SMURF2: variants seen among roughly 807,000 people sequenced by gnomAD.
The protein encoded by SMURF2 is SMAD specific E3 ubiquitin protein ligase 2, also known as E3 ubiquitin-protein ligase SMURF2.
In SMURF2, 48 loss-of-function variants were observed where a neutral mutation model predicts 109.6. That is an observed-to-expected ratio of 0.44 (90% CI 0.35 to 0.56). The LOEUF (loss-of-function observed/expected upper bound fraction) is 0.56, where lower values mean the gene tolerates loss of function less well. Ranked by LOEUF, SMURF2 falls within the 20% of genes least tolerant of loss-of-function variation. The probability of loss-of-function intolerance (pLI) is 0.01; values close to 1 mark genes in which losing one functional copy is unlikely to be tolerated. For synonymous variants in SMURF2, 288 were observed against 317.1 expected, an observed-to-expected ratio of 0.91 and a Z score of 0.97; for missense variants, 575 against 909.0, an observed-to-expected ratio of 0.63 and a Z score of 4.72.
At chr17:64,632,923 G>A (rs1331149896) in intron 1 of SMURF2, among the ~76,000 whole-genome samples, 13 of 152,206 alleles carry the variant, frequency 8.5e-5, no homozygotes, top group African/African-American at 3.1e-4. Flanking sequence ...GATGACTTAG[G>A]TAAAGAGTTT....
chr17:64,631,426 T>G (rs1335566919), intron 1 of SMURF2, among the ~76,000 whole-genome samples: 2 of 151,318 alleles, frequency 1.3e-5, no homozygotes, highest in Non-Finnish European at 2.9e-5. Context: ...ATGCAGGGGT[T>G]GAAGGAAATG....
chr17:64,584,351 CTTTT>C (rs781823585), intron 6 of SMURF2, among the ~76,000 whole-genome samples: 4 of 131,780 alleles, frequency 3.0e-5, no homozygotes, highest in Non-Finnish European at 6.3e-5. Context: ...CAGCTACTTT[CTTTT>C]TTTTTCTTTT....
rs1264044245 is a variant in SMURF2, at chr17:64,547,220, G to A, written c.2071+380C>T. On this transcript the variant is annotated intron_variant, in intron 17 of 18. Transcript: ENST00000262435. This position sits in a 1 kb window ranked among gnomAD's most constrained non-coding sequence, Gnocchi z 4.2. Reference sequence around the variant, plus strand: ...TGCTGCTTCTGTCTAATAAGAGAAAGAACGAAAAGTAGAGGGGAGAGGCAT... The same window carrying A: ...TGCTGCTTCTGTCTAATAAGAGAAAAAACGAAAAGTAGAGGGGAGAGGCAT... Among the ~76,000 whole-genome samples, 6 of 152,308 alleles carry A rather than the reference G, an allele frequency of 3.9e-5. No individual in the cohort carries two copies. Among genetic ancestry groups the A allele is most frequent in the African/African-American group, 1.4e-4 (6 of 41,566 alleles).
rs1555688273 is a variant in SMURF2, at chr17:64,598,492, T to C, written c.92-2A>G. Reference sequence around the variant, plus strand: ...CCTTAGCAAATGGATCAGGAAGTCCTGTGAAAAAAGATTTTCTAAAATTAA... The same window carrying C: ...CCTTAGCAAATGGATCAGGAAGTCCCGTGAAAAAAGATTTTCTAAAATTAA... On this transcript the variant is annotated splice_acceptor_variant, in intron 2 of 18. Coordinates refer to ENST00000262435, the MANE Select transcript of SMURF2 (RefSeq NM_022739.4). LOFTEE classifies it high-confidence loss of function. The C allele has an allele frequency of 1.3e-6, 2 of 1,592,210 alleles. No homozygotes were observed. Among genetic ancestry groups the C allele is most frequent in the Non-Finnish European group, 1.7e-6 (2 of 1,172,054 alleles).
intron 1 of SMURF2, among the ~76,000 whole-genome samples, chr17:64,659,939 T>C (rs1457253114): frequency 2.6e-5 from 4 of 152,152 alleles, no homozygotes; most frequent in African/African-American, 9.7e-5. Flanking sequence ...CCTCAAACTG[T>C]TTTTACTATT....
chr17:64,628,368 T>G lies in SMURF2; in HGVS notation c.53-21728A>C, dbSNP rs139332488. ...CTGCCTCAACTGACTAAGTATTCTA[T>G]GTATACATTTTCTATCAAATAGTGA... On this transcript the variant is annotated intron_variant, in intron 1 of 18. Coordinates refer to ENST00000262435, the MANE Select transcript of SMURF2 (RefSeq NM_022739.4). 3.9e-4 allele frequency among the ~76,000 whole-genome samples: 59 copies of G among 152,338 alleles called. 1 individual carries two copies. The highest frequency in any genetic ancestry group is 3.4e-3 in the Admixed American group (52 of 15,294).
chr17:64,545,613 T>C lies in SMURF2; in HGVS notation c.*235A>G, dbSNP rs1021142909. 3 of 337,832 alleles carry C rather than the reference T, an allele frequency of 8.9e-6. No individual in the cohort carries two copies. Among genetic ancestry groups the C allele is most frequent in the African/African-American group, 6.3e-5 (3 of 47,424 alleles). 20.9% of individuals were successfully genotyped at this position (337,832 alleles called of 1,614,324 possible). A position where few individuals can be genotyped will look rare whatever the true frequency, so the allele number is the denominator to read the frequency against. ...TTCTTTAGGTTCAAGATATTAAGTTTAAATAGCAGCTGAATGTGGCCTCAT... is the reference window on the plus strand; with the variant it reads ...TTCTTTAGGTTCAAGATATTAAGTTCAAATAGCAGCTGAATGTGGCCTCAT... On this transcript the variant is annotated 3_prime_UTR_variant, in exon 19 of 19. Coordinates refer to ENST00000262435, the MANE Select transcript of SMURF2 (RefSeq NM_022739.4).
rs563152020 is a variant in SMURF2 at position 64,569,986 on chromosome 17, AC to A, written c.1016+1811del. Among the ~76,000 whole-genome samples, 38 of 152,322 alleles carry A rather than the reference AC, an allele frequency of 2.5e-4. No homozygotes were observed. In the East Asian group the frequency reaches 7.0e-3, roughly 28 times the overall value. On this transcript the variant is annotated intron_variant, in intron 10 of 18. Transcript: ENST00000262435. ...ACATTAGGGCTTTCAAATACTTGCG[AC>A]CTTCATTTGTAAGCAAGGTTTTAGA...
intron 17 of SMURF2, among the ~76,000 whole-genome samples, chr17:64,546,941 T>TA (rs1431418615): frequency 4.6e-5 from 7 of 152,372 alleles, no homozygotes; most frequent in African/African-American, 1.7e-4. Flanking sequence ...ACTGTCGAAT[T>TA]ATGTACCAGT....
At position 64,593,472 on chromosome 17, in the gene SMURF2, G is replaced by T. The variant is rs782631383; in HGVS notation, c.302C>A (p.Ser101Tyr). The T allele has an allele frequency of 1.9e-6, 3 of 1,609,582 alleles. No individual in the cohort carries two copies. Among genetic ancestry groups the T allele is most frequent in the Non-Finnish European group, 2.5e-6 (3 of 1,178,278 alleles). ...GTCTTTGAGGCGGTTGATGGCATTGGAAAGAAGACGAACACAACCGAGAAA... is the reference window on the plus strand; with the variant it reads ...GTCTTTGAGGCGGTTGATGGCATTGTAAAGAAGACGAACACAACCGAGAAA... The part of the protein sequence containing the change: ...AGFLGCVRLL[S>Y]NAINRLKDTG... Residue 101 changes from serine to tyrosine, a missense_variant, in exon 4 of 19, where the codon TCC becomes TAC. By Grantham distance (144) the Ser-to-Tyr change is moderately radical. Transcript: ENST00000262435.
chr17:64,612,897 C>A (rs142752306), intron 1 of SMURF2, among the ~76,000 whole-genome samples: 1 of 152,192 alleles, frequency 6.6e-6, no homozygotes, highest in East Asian at 1.9e-4. Flanking sequence ...AGGAAAATAA[C>A]ATTAGTGTTC....
chr17:64,589,457 G>A (rs1598284414), intron 5 of SMURF2, among the ~76,000 whole-genome samples: 1 of 150,324 alleles, frequency 6.7e-6, no homozygotes, highest in Non-Finnish European at 1.5e-5. Context: ...ATGATGTAGT[G>A]TAGATCAGGA....
chr17:64,637,603 GC>G (rs1970434106), intron 1 of SMURF2, among the ~76,000 whole-genome samples: 2 of 150,578 alleles, frequency 1.3e-5, no homozygotes, highest in African/African-American at 4.9e-5. Context: ...TCATTCTGTT[GC>G]CCAGGCTGGA....
At position 64,547,588 on chromosome 17, in the gene SMURF2, T is replaced by C. The variant is rs1555683247; in HGVS notation, c.2071+12A>G. 1.7e-5 allele frequency: 24 copies of C among 1,429,772 alleles called. No homozygotes were observed. The highest frequency in any genetic ancestry group is 2.9e-5 in the East Asian group (1 of 34,452). 88.6% of individuals were successfully genotyped at this position (1,429,772 alleles called of 1,614,324 possible). ...ACCCGCTGCCCAGCTTGCCTGCACC[T>C]CAGGCTGTTACCTTGCAATGCTTTG... On this transcript the variant is annotated intron_variant, in intron 17 of 18. Transcript: ENST00000262435. This position sits in a 1 kb window ranked among gnomAD's most constrained non-coding sequence, Gnocchi z 4.2.
At chr17:64,639,987 A>G (rs1970473583) in intron 1 of SMURF2, among the ~76,000 whole-genome samples, 1 of 152,252 alleles carries the variant, frequency 6.6e-6, no homozygotes, top group African/African-American at 2.4e-5. Flanking sequence ...TAACAAATAT[A>G]CCATACTAAT....
At chr17:64,628,635 C>G (rs1970297602) in intron 1 of SMURF2, among the ~76,000 whole-genome samples, 1 of 152,122 alleles carries the variant, frequency 6.6e-6, no homozygotes, top group African/African-American at 2.4e-5. Flanking sequence ...GAGGTAAAAC[C>G]CCCAAAGCAA....
intron 9 of SMURF2, among the ~76,000 whole-genome samples, chr17:64,575,205 G>A (rs1048261611): frequency 7.9e-5 from 12 of 151,222 alleles, no homozygotes; most frequent in African/African-American, 2.9e-4. Flanking sequence ...CGAGGCTGGA[G>A]TGCCACGGTG....
At chr17:64,558,680 T>A (rs1446869641) in intron 12 of SMURF2, among the ~76,000 whole-genome samples, 1 of 152,214 alleles carries the variant, frequency 6.6e-6, no homozygotes, top group Non-Finnish European at 1.5e-5. Context: ...TCCATACCAC[T>A]TCTTGACTTC....
At chr17:64,582,793 T>A (rs148092129) in intron 7 of SMURF2, among the ~76,000 whole-genome samples, 57 of 152,236 alleles carry the variant, frequency 3.7e-4, no homozygotes, top group African/African-American at 1.3e-3. Flanking sequence ...GAGATGGGGT[T>A]TCTCCATGTT....
Sources: gnomAD v4.1 joint callset for allele counts (sites outside exome capture counted in the v4.1 genomes callset) on GRCh38, gnomAD v4.1.1 for gene constraint, Gnocchi (gnomAD v3.1) non-coding constraint, MANE v1.5 for transcripts, NCBI Gene and HGNC (gene_info 2026-07-23, HGNC 2026-07-21) for gene names.